The following GARNL3 variants were observed in gnomAD, a reference collection of about 807,000 sequenced individuals.
The protein encoded by GARNL3 is GTPase activating Rap/RanGAP domain like 3.
GARNL3 carries 63 observed loss-of-function variants against 125.0 expected under a neutral mutation model. That is an observed-to-expected ratio of 0.50 (90% CI 0.41 to 0.62). GARNL3 has a LOEUF of 0.62. GARNL3 is among the 20% of genes least tolerant of loss of function. The pLI, the probability that GARNL3 is intolerant of heterozygous loss-of-function variation, is 0.00. For synonymous variants in GARNL3, 439 were observed against 457.5 expected, an observed-to-expected ratio of 0.96 and a Z score of 0.52; for missense variants, 994 against 1,244.0, an observed-to-expected ratio of 0.80 and a Z score of 3.02.
At chr9:127,383,679 C>T in intron 23 of GARNL3, 134 bp downstream of exon 23, 1 of 555,640 alleles carries the variant, frequency 1.8e-6, no homozygotes, top group South Asian at 2.7e-5. Flanking sequence ...TGAATATTCA[C>T]AGCGTTCTTT....
Position 127,393,342 on chromosome 9 carries a change from T to G in GARNL3, c.*88T>G, listed in dbSNP as rs1832971365. Reference sequence around the variant, plus strand: ...TCTGATGTAATTTCTCAACAAAATGTGGCTTTTAGCCTGTCAGTGATCTAT... The same window carrying G: ...TCTGATGTAATTTCTCAACAAAATGGGGCTTTTAGCCTGTCAGTGATCTAT... On this transcript the variant is annotated 3_prime_UTR_variant, in exon 28 of 28. Coordinates refer to ENST00000373387, the MANE Select transcript of GARNL3 (RefSeq NM_032293.5). 1 of 1,322,262 alleles carries G rather than the reference T, an allele frequency of 7.6e-7. No individual in the cohort carries two copies. The highest frequency in any genetic ancestry group is 2.0e-5 in the Admixed American group (1 of 50,952). The allele number at this position is 1,322,262 out of a possible 1,614,324, so 81.9% of individuals were successfully genotyped here.
At chr9:127,254,045 A>G (rs1045476350) in intron 2 of GARNL3, among the ~76,000 whole-genome samples, 5 of 152,216 alleles carry the variant, frequency 3.3e-5, no homozygotes, top group African/African-American at 1.2e-4. Context: ...GATTTTGTAG[A>G]AAAGATACCT....
chr9:127,369,640 C>T (rs983225025), intron 22 of GARNL3, among the ~76,000 whole-genome samples: 2 of 152,114 alleles, frequency 1.3e-5, no homozygotes, highest in Non-Finnish European at 2.9e-5. Flanking sequence ...AAGACAAGAG[C>T]GGGCGTCTCT....
At chr9:127,313,822 T>C (rs2065161345) in intron 4 of GARNL3, among the ~76,000 whole-genome samples, 1 of 152,232 alleles carries the variant, frequency 6.6e-6, no homozygotes, top group Admixed American at 6.5e-5. Flanking sequence ...GGTTTAAATA[T>C]TTTCTTTGGG....
chr9:127,294,314 C>T (rs2064517926), intron 2 of GARNL3, among the ~76,000 whole-genome samples: 1 of 152,032 alleles, frequency 6.6e-6, no homozygotes, highest in Non-Finnish European at 1.5e-5. Flanking sequence ...CCCACCCCTC[C>T]CCCCGGCCAA....
intron 22 of GARNL3, among the ~76,000 whole-genome samples, chr9:127,375,456 ACT>A (rs1418165371): frequency 2.0e-5 from 3 of 148,862 alleles, no homozygotes; most frequent in East Asian, 4.0e-4. Context: ...ACAGAGCAAG[ACT>A]CTGTCTCAGA....
intron 5 of GARNL3, among the ~76,000 whole-genome samples, chr9:127,320,171 G>A (rs1434285201): frequency 2.0e-5 from 3 of 152,106 alleles, no homozygotes; most frequent in East Asian, 3.9e-4. Flanking sequence ...TTCATGAAAA[G>A]CATTTATTAC....
chr9:127,228,529 G>A (rs1449490337), intron 1 of GARNL3, among the ~76,000 whole-genome samples: 1 of 152,104 alleles, frequency 6.6e-6, no homozygotes, highest in Admixed American at 6.5e-5. Flanking sequence ...TTGTTTCATA[G>A]TGAGGTGAAA....
intron 2 of GARNL3, among the ~76,000 whole-genome samples, chr9:127,247,442 A>T (rs945909892): frequency 2.0e-5 from 3 of 152,078 alleles, no homozygotes; most frequent in African/African-American, 7.2e-5. Flanking sequence ...GTTGTCTCCT[A>T]TTCCTTTACC....
At chr9:127,371,462 G>GT (rs1831603061) in intron 22 of GARNL3, among the ~76,000 whole-genome samples, 1 of 152,206 alleles carries the variant, frequency 6.6e-6, no homozygotes, top group Non-Finnish European at 1.5e-5. Flanking sequence ...GGAAGGAACT[G>GT]GTGCAGGCTG....
intron 2 of GARNL3, among the ~76,000 whole-genome samples, chr9:127,243,692 G>A (rs1009926246): frequency 3.3e-5 from 5 of 152,126 alleles, no homozygotes; most frequent in African/African-American, 1.2e-4. Flanking sequence ...AATATAAATA[G>A]TATATGGAAG....
chr9:127,231,051 T>TATATATATATATATATATA, intron 1 of GARNL3, among the ~76,000 whole-genome samples: 1 of 58,060 alleles, frequency 1.7e-5, no homozygotes, highest in Admixed American at 2.5e-4. Flanking sequence ...TATATATATA[T>TATATATATATATATATATA]TTTTTTTTTT....
intron 22 of GARNL3, among the ~76,000 whole-genome samples, chr9:127,377,362 G>C (rs1024012458): frequency 6.6e-6 from 1 of 152,164 alleles, no homozygotes; most frequent in African/African-American, 2.4e-5. Context: ...GTAAATGTAT[G>C]CCTCTGTTTT....
Position 127,387,343 on chromosome 9 carries a change from G to C in GARNL3, c.2527+12G>C. ...TTCCCTGGGGGAAGGTGAAGTCCAA[G>C]TTTTACTGTTTTATTAATATTTGTA... On this transcript the variant is annotated intron_variant, in intron 25 of 27. Coordinates refer to ENST00000373387, the MANE Select transcript of GARNL3 (RefSeq NM_032293.5). The C allele has an allele frequency of 6.2e-7, 1 of 1,602,496 alleles. No individual in the cohort carries two copies. Among genetic ancestry groups the C allele is most frequent in the Non-Finnish European group, 8.5e-7 (1 of 1,173,950 alleles).
At chr9:127,348,885 C>A in intron 16 of GARNL3, 39 bp from the exon 17 acceptor site, 1 of 1,390,176 alleles carries the variant, frequency 7.2e-7, no homozygotes, top group South Asian at 1.2e-5. Context: ...TGTATTTTTT[C>A]TGGTGCACTT....
intron 1 of GARNL3, among the ~76,000 whole-genome samples, chr9:127,277,078 A>G (rs80337095): frequency 3.3e-5 from 5 of 152,248 alleles, no homozygotes; most frequent in Admixed American, 1.3e-4. Context: ...AGGCTGCTCC[A>G]GTGCCCCTCA....
intron 1 of GARNL3, among the ~76,000 whole-genome samples, chr9:127,281,359 T>C (rs967571651): frequency 2.6e-5 from 4 of 152,202 alleles, no homozygotes; most frequent in Non-Finnish European, 5.9e-5. Flanking sequence ...TTGAGTTTGC[T>C]GAGGACAGGG....
At chr9:127,326,761 G>C (rs1290685479) in intron 7 of GARNL3, among the ~76,000 whole-genome samples, 2 of 152,072 alleles carry the variant, frequency 1.3e-5, no homozygotes, top group Admixed American at 1.3e-4. Flanking sequence ...TAGGTCATGA[G>C]GGGGGAGCCC....
At chr9:127,225,465 G>A (rs1305365579) in intron 1 of GARNL3, 6 of 669,900 alleles carry the variant, frequency 9.0e-6, no homozygotes, top group Non-Finnish European at 5.5e-6. Context: ...GGATGGCGAT[G>A]TGAAGGGACA....
Sources: allele counts gnomAD v4.1 joint callset (sites outside exome capture counted in the v4.1 genomes callset), GRCh38; gene constraint gnomAD v4.1.1; transcripts MANE v1.5; gene names NCBI Gene and HGNC (gene_info 2026-07-23, HGNC 2026-07-21).